The following PCDH9 variants were observed in gnomAD, a reference collection of about 807,000 sequenced individuals.
PCDH9 encodes protocadherin-9.
Under a neutral mutation model 70.6 loss-of-function variants are expected in PCDH9, and 24 were observed. The observed-to-expected ratio is 0.34, with a 90% CI of 0.25 to 0.48. PCDH9 has a LOEUF of 0.48. Among genes scored for constraint, PCDH9 ranks in the 20% least tolerant of loss-of-function variants. The probability of loss-of-function intolerance (pLI) is 0.99; values close to 1 mark genes in which losing one functional copy is unlikely to be tolerated. For synonymous variants in PCDH9, 562 were observed against 558.5 expected (o/e 1.01, Z -0.09); for missense variants, 1,281 against 1,503.6 (o/e 0.85, Z 2.45).
intron 3 of PCDH9, among the ~76,000 whole-genome samples, chr13:66,884,005 C>T (rs1365508314): frequency 6.7e-6 from 1 of 150,258 alleles, no homozygotes; most frequent in Non-Finnish European, 1.5e-5. Context: ...CAGGTTCAAG[C>T]GATTCTCCTG....
chr13:66,626,162 G>A (rs1210470939), intron 4 of PCDH9, among the ~76,000 whole-genome samples: 1 of 152,052 alleles, frequency 6.6e-6, no homozygotes, highest in Non-Finnish European at 1.5e-5. Context: ...GATCCTAGAC[G>A]TTAAATACAT....
chr13:67,034,899 C>G (rs956920268), intron 2 of PCDH9, among the ~76,000 whole-genome samples: 2 of 151,206 alleles, frequency 1.3e-5, no homozygotes, highest in Non-Finnish European at 2.9e-5. Flanking sequence ...CTCTTTAAGA[C>G]AAGCCAAGAA....
chr13:66,757,844 T>G (rs2079560276), intron 3 of PCDH9, among the ~76,000 whole-genome samples: 1 of 151,952 alleles, frequency 6.6e-6, no homozygotes, highest in Non-Finnish European at 1.5e-5. Flanking sequence ...TCTGAGCAAA[T>G]GTATAATAGA....
intron 3 of PCDH9, among the ~76,000 whole-genome samples, chr13:66,766,224 TTGACAAGAGTAGACAGCAGTAGTC>T (rs1174824590): frequency 4.1e-4 from 62 of 151,970 alleles, no homozygotes; most frequent in African/African-American, 1.3e-3. Flanking sequence ...ACTGGAGATT[TTGACAAGAGTAGACAGCAGTAGTC>T]AGTCTACCAG....
At chr13:66,693,122 T>C (rs2078511612) in intron 3 of PCDH9, among the ~76,000 whole-genome samples, 1 of 152,122 alleles carries the variant, frequency 6.6e-6, no homozygotes, top group South Asian at 2.1e-4. Flanking sequence ...TATTCCACGT[T>C]CTATCCTAAC....
intron 3 of PCDH9, among the ~76,000 whole-genome samples, chr13:66,696,383 G>GT (rs1177698088): frequency 6.6e-6 from 1 of 152,034 alleles, no homozygotes; most frequent in Non-Finnish European, 1.5e-5. Context: ...ATTAATCTGT[G>GT]TTTTTTTATT....
At chr13:67,010,664 G>A (rs1384342005) in intron 2 of PCDH9, among the ~76,000 whole-genome samples, 1 of 151,836 alleles carries the variant, frequency 6.6e-6, no homozygotes, top group Non-Finnish European at 1.5e-5. Flanking sequence ...TGTATGCATT[G>A]CCCAATTCAT....
intron 3 of PCDH9, among the ~76,000 whole-genome samples, chr13:66,901,398 C>T (rs888923913): frequency 5.3e-5 from 8 of 151,560 alleles, no homozygotes; most frequent in Non-Finnish European, 1.2e-4. Context: ...CATAAGTTGT[C>T]AATATCGTCA....
chr13:67,068,840 A>G (rs2085702978), intron 2 of PCDH9, among the ~76,000 whole-genome samples: 1 of 152,194 alleles, frequency 6.6e-6, no homozygotes, highest in Non-Finnish European at 1.5e-5. Context: ...TGTTATGTGA[A>G]AATATGATAG....
chr13:66,826,498 T>C (rs2080826175), intron 3 of PCDH9, among the ~76,000 whole-genome samples: 2 of 152,194 alleles, frequency 1.3e-5, no homozygotes, highest in Non-Finnish European at 2.9e-5. Context: ...TTAACACCTG[T>C]TAGGCCGTTT....
chr13:66,703,067 C>T (rs888745911), intron 3 of PCDH9, among the ~76,000 whole-genome samples: 1 of 151,982 alleles, frequency 6.6e-6, no homozygotes, highest in African/African-American at 2.4e-5. Context: ...TGTAATAAAC[C>T]ATAAAATTAC....
At chr13:66,427,335 CTT>C (rs1255208435) in intron 4 of PCDH9, among the ~76,000 whole-genome samples, 1 of 151,604 alleles carries the variant, frequency 6.6e-6, no homozygotes, top group Non-Finnish European at 1.5e-5. Context: ...CAAGCAGAAA[CTT>C]ATTTAATTAT....
At chr13:66,561,693 C>T (rs1262622739) in intron 4 of PCDH9, among the ~76,000 whole-genome samples, 1 of 152,110 alleles carries the variant, frequency 6.6e-6, no homozygotes, top group Non-Finnish European at 1.5e-5. Flanking sequence ...CACTCTGTAT[C>T]TAGCTAATCT....
At chr13:66,534,869 A>G (rs1960624611) in intron 4 of PCDH9, among the ~76,000 whole-genome samples, 1 of 152,160 alleles carries the variant, frequency 6.6e-6, no homozygotes, top group South Asian at 2.1e-4. Flanking sequence ...TAACAAATTC[A>G]AAAATAGCTC....
intron 4 of PCDH9, among the ~76,000 whole-genome samples, chr13:66,358,668 T>C (rs1279052397): frequency 6.6e-6 from 1 of 152,022 alleles, no homozygotes; most frequent in Non-Finnish European, 1.5e-5. Context: ...AAACTGATGA[T>C]GTAAGAGTAA....
chr13:66,649,824 A>T (rs893540196), intron 3 of PCDH9, among the ~76,000 whole-genome samples: 4 of 152,078 alleles, frequency 2.6e-5, no homozygotes, highest in Non-Finnish European at 5.9e-5. Flanking sequence ...GCAGTGGGGC[A>T]AAGTTAAAGT....
chr13:66,506,089 T>C (rs1257835008), intron 4 of PCDH9, among the ~76,000 whole-genome samples: 1 of 152,166 alleles, frequency 6.6e-6, no homozygotes. Context: ...ACTTCCTATG[T>C]TTCTCTCTTT....
intron 2 of PCDH9, among the ~76,000 whole-genome samples, chr13:66,953,767 T>G: frequency 6.6e-6 from 1 of 152,182 alleles, no homozygotes; most frequent in East Asian, 1.9e-4. Flanking sequence ...TAACTGTACC[T>G]AGTATATCTA....
intron 2 of PCDH9, among the ~76,000 whole-genome samples, chr13:66,979,118 G>GA (rs1266676296): frequency 1.1e-4 from 16 of 152,088 alleles, no homozygotes; most frequent in South Asian, 4.1e-4. Context: ...GTTGAGTTCA[G>GA]AAAAAATATC....
Sources: allele counts gnomAD v4.1 joint callset (sites outside exome capture counted in the v4.1 genomes callset), GRCh38; gene constraint gnomAD v4.1.1; transcripts MANE v1.5; gene names NCBI Gene and HGNC (gene_info 2026-07-23, HGNC 2026-07-21).